The following NUDCD1 variants were observed in gnomAD, a reference collection of about 807,000 sequenced individuals.
NUDCD1 encodes NudC domain containing 1.
Under a neutral mutation model 67.8 loss-of-function variants are expected in NUDCD1, and 60 were observed. That is an observed-to-expected ratio of 0.88 (90% CI 0.72 to 1.10). The LOEUF is 1.10. Ranked by LOEUF, NUDCD1 falls within the 50% of genes least tolerant of loss-of-function variation. NUDCD1 has a pLI of 0.00. For synonymous variants in NUDCD1, 244 were observed against 230.8 expected (o/e 1.06, Z -0.52); for missense variants, 643 against 695.0 (o/e 0.93, Z 0.84).
At chr8:109,307,787 C>T (rs192575931) in intron 2 of NUDCD1, among the ~76,000 whole-genome samples, 7 of 152,280 alleles carry the variant, frequency 4.6e-5, no homozygotes, top group Admixed American at 4.6e-4. Flanking sequence ...AGAGACATTT[C>T]ATGCAAATGG....
rs1244153516 is a variant in NUDCD1 at position 109,304,596 on chromosome 8, T to C, written c.274-8027A>G. On this transcript the variant is annotated intron_variant, in intron 2 of 9. Coordinates refer to ENST00000239690, the MANE Select transcript of NUDCD1 (RefSeq NM_032869.4). ...AAAGACTCGAAATATGCCTTCCATATCCTGCACCACCATGCTGTTATATGG... is the reference window on the plus strand; with the variant it reads ...AAAGACTCGAAATATGCCTTCCATACCCTGCACCACCATGCTGTTATATGG... 2.0e-5 allele frequency among the ~76,000 whole-genome samples: 3 copies of C among 152,196 alleles called. No individual in the cohort carries two copies. The East Asian group carries it at 5.8e-4, about 29-fold the overall frequency.
chr8:109,293,769 T>G (rs1814766552), intron 3 of NUDCD1, among the ~76,000 whole-genome samples: 1 of 152,106 alleles, frequency 6.6e-6, no homozygotes, highest in African/African-American at 2.4e-5. Flanking sequence ...CTTGGCTACC[T>G]TGCTTCCTCT....
At chr8:109,326,957 T>C (rs761530526) in intron 1 of NUDCD1, among the ~76,000 whole-genome samples, 1 of 152,190 alleles carries the variant, frequency 6.6e-6, no homozygotes, top group South Asian at 2.1e-4. Flanking sequence ...CCACATGATA[T>C]TGCCAATATT....
chr8:109,266,034 A>T (rs1247504344), intron 8 of NUDCD1, among the ~76,000 whole-genome samples: 1 of 151,776 alleles, frequency 6.6e-6, no homozygotes. Flanking sequence ...AAGTCTATAT[A>T]ATTTGATTAA....
At chr8:109,329,662 A>G (rs901500430) in intron 1 of NUDCD1, 5 of 674,784 alleles carry the variant, frequency 7.4e-6, no homozygotes, top group Non-Finnish European at 1.2e-5. Flanking sequence ...AGCTAAGTTT[A>G]GTATCTTGAT....
intron 8 of NUDCD1, among the ~76,000 whole-genome samples, chr8:109,261,208 T>C (rs1458036602): frequency 6.6e-6 from 1 of 152,212 alleles, no homozygotes; most frequent in African/African-American, 2.4e-5. Context: ...CATGGCAATA[T>C]TAATTTTTAA....
chr8:109,243,740 T>C (rs1813429750), intron 9 of NUDCD1, among the ~76,000 whole-genome samples: 3 of 152,182 alleles, frequency 2.0e-5, no homozygotes, highest in Admixed American at 1.3e-4. Context: ...GATACCATCA[T>C]AAAGTTATTT....
At chr8:109,322,585 C>T (rs1815568467) in intron 1 of NUDCD1, 122 bp from the exon 2 acceptor site, 2 of 628,302 alleles carry the variant, frequency 3.2e-6, no homozygotes, top group South Asian at 4.6e-5. Context: ...GCCTTCAGGA[C>T]AATTCAGTAT....
chr8:109,305,142 T>C (rs1026697057), intron 2 of NUDCD1, among the ~76,000 whole-genome samples: 5 of 152,284 alleles, frequency 3.3e-5, no homozygotes, highest in Admixed American at 1.3e-4. Flanking sequence ...CTCCCTTCCC[T>C]ACACATCAAG....
Position 109,310,812 on chromosome 8 carries a change from T to TTA in NUDCD1, c.273+11496_273+11497insTA, listed in dbSNP as rs1414235403. Among the ~76,000 whole-genome samples the TTA allele has an allele frequency of 1.3e-3, 83 of 62,938 alleles. 1 individual carries two copies. The highest frequency in any genetic ancestry group is 3.4e-3 in the African/African-American group (82 of 23,794). 41.3% of individuals were successfully genotyped at this position (62,938 alleles called of 152,430 possible). On this transcript the variant is annotated intron_variant, in intron 2 of 9. Coordinates refer to ENST00000239690, the MANE Select transcript of NUDCD1 (RefSeq NM_032869.4). Reference sequence around the variant, plus strand: ...GCTAAGGACGTGAATAGACAATTCTTTTTTTTTTTTTTTTTTTTTTTTGAG... The same window carrying TTA: ...GCTAAGGACGTGAATAGACAATTCTTTATTTTTTTTTTTTTTTTTTTTTTGAG...
At chr8:109,264,774 C>G (rs1468134353) in intron 8 of NUDCD1, among the ~76,000 whole-genome samples, 1 of 151,170 alleles carries the variant, frequency 6.6e-6, no homozygotes, top group Non-Finnish European at 1.5e-5. Flanking sequence ...AATGCAGAAG[C>G]AGATATAAGG....
At chr8:109,310,849 T>C (rs10108349) in intron 2 of NUDCD1, among the ~76,000 whole-genome samples, 87,258 of 138,692 alleles carry the variant, frequency 0.63, 29,023 homozygotes, top group African/African-American at 0.85. Context: ...AGGAGTCTTG[T>C]TCTGCTGCCA....
At chr8:109,270,954 A>C (rs759238960) in intron 8 of NUDCD1, 51 bp downstream of exon 8, 1 of 1,229,580 alleles carries the variant, frequency 8.1e-7, no homozygotes, top group Non-Finnish European at 1.2e-6. Flanking sequence ...ACCAATCATT[A>C]TCTGAGTAAC....
At chr8:109,317,019 T>C (rs1173836047) in intron 2 of NUDCD1, among the ~76,000 whole-genome samples, 1 of 151,844 alleles carries the variant, frequency 6.6e-6, no homozygotes, top group East Asian at 1.9e-4. Context: ...AGGAAAAATA[T>C]AGAAAGGAAA....
intron 5 of NUDCD1, among the ~76,000 whole-genome samples, chr8:109,283,452 T>TA (rs1393679226): frequency 6.6e-6 from 1 of 151,876 alleles, no homozygotes; most frequent in African/African-American, 2.4e-5. Context: ...CCCTGAGAAA[T>TA]ACTATACAAA....
chr8:109,314,054 ATC>A (rs573466027), intron 2 of NUDCD1, among the ~76,000 whole-genome samples: 2 of 152,294 alleles, frequency 1.3e-5, no homozygotes, highest in South Asian at 4.1e-4. Context: ...GCAATAAAAT[ATC>A]TTTTTCTCTA....
chr8:109,264,719 G>T (rs183133381), intron 8 of NUDCD1, among the ~76,000 whole-genome samples: 2 of 152,036 alleles, frequency 1.3e-5, no homozygotes, highest in East Asian at 3.9e-4. Flanking sequence ...ATATCTATAG[G>T]AATCTGAATA....
At chr8:109,263,385 G>A (rs1030488091) in intron 8 of NUDCD1, among the ~76,000 whole-genome samples, 1 of 152,146 alleles carries the variant, frequency 6.6e-6, no homozygotes, top group Non-Finnish European at 1.5e-5. Context: ...ACAGCCTATT[G>A]ATGTAGGTGG....
At chr8:109,252,340 G>GGACATCTTCTAA (rs1489423902) in intron 8 of NUDCD1, among the ~76,000 whole-genome samples, 2 of 152,076 alleles carry the variant, frequency 1.3e-5, no homozygotes, top group African/African-American at 4.8e-5. Context: ...CATAGAGATG[G>GGACATCTTCTAA]TGTTTTGAGG....
Sources: gnomAD v4.1 joint callset for allele counts (sites outside exome capture counted in the v4.1 genomes callset) on GRCh38, gnomAD v4.1.1 for gene constraint, MANE v1.5 for transcripts, NCBI Gene and HGNC (gene_info 2026-07-23, HGNC 2026-07-21) for gene names.